The following PPP6R2 variants were observed in gnomAD, a reference collection of about 807,000 sequenced individuals.
PPP6R2 encodes serine/threonine-protein phosphatase 6 regulatory subunit 2.
PPP6R2 carries 62 observed loss-of-function variants against 100.2 expected under a neutral mutation model. The ratio of observed to expected loss-of-function variants is 0.62; its 90% confidence interval spans 0.50 to 0.76. The LOEUF is 0.76. Among genes scored for constraint, PPP6R2 ranks in the 30% least tolerant of loss-of-function variants. The pLI, the probability that PPP6R2 is intolerant of heterozygous loss-of-function variation, is 0.00. For synonymous variants in PPP6R2, 525 were observed against 514.7 expected (o/e 1.02, Z -0.27); for missense variants, 1,142 against 1,276.3 (o/e 0.89, Z 1.60).
At chr22:50,341,137 C>T (rs1197060929), upstream of PPP6R2, among the ~76,000 whole-genome samples, 1 of 152,104 alleles carries the variant, frequency 6.6e-6, no homozygotes, top group African/African-American at 2.4e-5. Context: ...GTCTCGATCT[C>T]CTGACTTCAA....
chr22:50,342,286 C>A (rs1166160522), upstream of PPP6R2, among the ~76,000 whole-genome samples: 1 of 152,218 alleles, frequency 6.6e-6, no homozygotes, highest in Admixed American at 6.5e-5. Flanking sequence ...CTGGAAGTTC[C>A]CTCAACGGAA....
chr22:50,427,545 G>T (rs571014678), intron 10 of PPP6R2, among the ~76,000 whole-genome samples: 1 of 152,156 alleles, frequency 6.6e-6, no homozygotes, highest in East Asian at 1.9e-4. Context: ...GTGTTCCTAT[G>T]TATTTATTTA....
chr22:50,356,209 C>G (rs1443489730), intron 1 of PPP6R2, among the ~76,000 whole-genome samples: 2 of 152,070 alleles, frequency 1.3e-5, no homozygotes, highest in Non-Finnish European at 2.9e-5. Context: ...CGTGATCTGC[C>G]TGCCTCGGCC....
chr22:50,437,883 G>A lies in PPP6R2; in HGVS notation c.1822G>A (p.Asp608Asn), dbSNP rs917730387. 2.6e-6 allele frequency: 4 copies of A among 1,555,106 alleles called. No individual in the cohort carries two copies. Among genetic ancestry groups the A allele is most frequent in the East Asian group, 4.9e-5 (2 of 41,134 alleles). ...DRIAEINFNIDADEDSPSAAL... is the reference protein window; with the variant it reads ...DRIAEINFNINADEDSPSAAL... ...GATCGCAGAGATCAACTTCAACATC[G>A]ACGCTGACGAGGACAGTGTGAGCAA... The change falls in exon 17 of 24, where the codon GAC becomes AAC. Residue 608 changes from aspartate to asparagine, a missense_variant. This residue lies in a region of PPP6R2 where 550 missense variants were observed against 517.4 expected (regional missense o/e 1.06). Transcript: ENST00000612753.
chr22:50,337,415 TGTGTGTGGG>T, the PPP6R2 span, among the ~76,000 whole-genome samples: 1 of 128,598 alleles, frequency 7.8e-6, no homozygotes, highest in Non-Finnish European at 1.6e-5. Flanking sequence ...CGATGTGTGG[TGTGTGTGGG>T]GTGTGTGTGT....
upstream of PPP6R2, among the ~76,000 whole-genome samples, chr22:50,339,064 G>T (rs2042338125): frequency 8.4e-6 from 1 of 118,724 alleles, no homozygotes. Flanking sequence ...TATGTGGTGT[G>T]GTGTATGTGG....
chr22:50,399,174 A>G (rs1481034275), intron 3 of PPP6R2, among the ~76,000 whole-genome samples: 2 of 152,336 alleles, frequency 1.3e-5, no homozygotes, highest in Admixed American at 1.3e-4. Flanking sequence ...TCCAGCCTGC[A>G]TGACACAGCA....
At chr22:50,408,522 C>T (rs955090913) in intron 4 of PPP6R2, among the ~76,000 whole-genome samples, 1 of 152,160 alleles carries the variant, frequency 6.6e-6, no homozygotes, top group Admixed American at 6.6e-5. Flanking sequence ...GTGGGTCGTG[C>T]TGGGTGTGAG....
chr22:50,350,264 CTT>C (rs1331077483), intron 1 of PPP6R2, among the ~76,000 whole-genome samples: 1 of 151,886 alleles, frequency 6.6e-6, no homozygotes, highest in Non-Finnish European at 1.5e-5. Context: ...AAGTTTCCCT[CTT>C]GTTGCCCTGG....
In PPP6R2 at chr22:50,385,004, C is replaced by T. The variant is rs147756801; in HGVS notation, c.-16-8889C>T. 4.0e-5 allele frequency among the ~76,000 whole-genome samples: 6 copies of T among 151,778 alleles called. No individual in the cohort carries two copies. The East Asian group carries it at 1.2e-3, about 30-fold the overall frequency. ...CTCAAGTGAGCCTCCTGCCTTTAGC[C>T]TTCCATAGTTCTGGGATCACAGGCC... On this transcript the variant is annotated intron_variant, in intron 2 of 23. Coordinates refer to ENST00000612753, the MANE Select transcript of PPP6R2 (RefSeq NM_001242898.2).
intron 2 of PPP6R2, among the ~76,000 whole-genome samples, chr22:50,382,329 T>C (rs1193959374): frequency 6.6e-6 from 1 of 152,106 alleles, no homozygotes; most frequent in East Asian, 1.9e-4. Context: ...CAGGGCACGG[T>C]GGCTCATGCC....
intron 2 of PPP6R2, among the ~76,000 whole-genome samples, chr22:50,374,123 A>T (rs1362084264): frequency 2.0e-5 from 3 of 152,152 alleles, no homozygotes; most frequent in Non-Finnish European, 4.4e-5. Context: ...GGCCGAAGTG[A>T]TCCTCCTGCC....
chr22:50,390,481 TC>T (rs2055238948), intron 2 of PPP6R2, among the ~76,000 whole-genome samples: 1 of 152,038 alleles, frequency 6.6e-6, no homozygotes. Context: ...TTCAAAATGA[TC>T]AAAGAATTAA....
intron 13 of PPP6R2, among the ~76,000 whole-genome samples, 199 bp from the exon 14 acceptor site, chr22:50,436,167 GC>G (rs141913206): frequency 0.019 from 2,890 of 152,298 alleles, 46 homozygotes; most frequent in East Asian, 0.083. Flanking sequence ...TCTCACTGTG[GC>G]CCCAGGCCCC....
At chr22:50,438,115 G>T in intron 17 of PPP6R2, 59 bp from the exon 18 acceptor site, 1 of 1,569,826 alleles carries the variant, frequency 6.4e-7, no homozygotes, top group South Asian at 1.2e-5. Flanking sequence ...TCTATGGGGA[G>T]AGCGGCTCCT....
chr22:50,339,772 TATGTGGTGTGTGTGTGGTGTGTGTGG>T (rs1354679947), upstream of PPP6R2, among the ~76,000 whole-genome samples: 4 of 106,886 alleles, frequency 3.7e-5, no homozygotes, highest in Admixed American at 9.8e-5. Context: ...GTGTGTGTGG[TATGTGGTGTGTGTGTGGTGTGTGTGG>T]GGTATGTGTG....
Position 50,439,773 on chromosome 22 carries a change from T to C in PPP6R2, c.2201T>C (p.Val734Ala). The C allele has an allele frequency of 6.2e-7, 1 of 1,613,814 alleles. No homozygotes were observed. The highest frequency in any genetic ancestry group is 2.2e-5 in the East Asian group (1 of 44,882). Residue 734 changes from valine to alanine, a missense_variant, in exon 20 of 24, where the codon GTG becomes GCG. Val to Ala is a moderately conservative substitution (Grantham distance 64). This residue lies in a region of PPP6R2 where 550 missense variants were observed against 517.4 expected (regional missense o/e 1.06). Coordinates refer to ENST00000612753, the MANE Select transcript of PPP6R2 (RefSeq NM_001242898.2). The stretch of plus-strand genomic sequence containing the variant: ...ACAGCCCCAGGAGTGGTGAGGGACG[T>C]GGGTTCCAGTGTGTGGGCAGCTGGC... ...TPTAPGVVRD[V>A]GSSVWAAGTS...
chr22:50,437,488 T>TCCCCCC lies in PPP6R2; in HGVS notation c.1684-15_1684-14insCCCCCC. ...TGACCGGTGTCTGTCCGTCCCTCCC[T>TCCCCCC]CCCTCCCTCCCTCCCAGGCCTTCTC... is the stretch of plus-strand genomic sequence containing the variant. On this transcript the variant is annotated splice_polypyrimidine_tract_variant and intron_variant, in intron 15 of 23. Coordinates refer to ENST00000612753, the MANE Select transcript of PPP6R2 (RefSeq NM_001242898.2). 2.7e-6 allele frequency: 1 copy of TCCCCCC among 369,124 alleles called. No homozygotes were observed. The highest frequency in any genetic ancestry group is 5.4e-6 in the Non-Finnish European group (1 of 183,842). The allele number at this position is 369,124 out of a possible 1,614,324, so 22.9% of individuals were successfully genotyped here. A position where few individuals can be genotyped will look rare whatever the true frequency, so the allele number is the denominator to read the frequency against.
chr22:50,340,367 GTGGTATGTGGTGTGTA>G (rs1353665726), upstream of PPP6R2, among the ~76,000 whole-genome samples: 132 of 137,548 alleles, frequency 9.6e-4, 1 homozygote, highest in African/African-American at 3.3e-3. Context: ...TATGGAGTGT[GTGGTATGTGGTGTGTA>G]TGGTATGTGG....
Sources: allele counts gnomAD v4.1 joint callset (sites outside exome capture counted in the v4.1 genomes callset), GRCh38; gene constraint gnomAD v4.1.1; regional missense constraint gnomAD v4.1.1; transcripts MANE v1.5; gene names NCBI Gene and HGNC (gene_info 2026-07-23, HGNC 2026-07-21).